The following DMXL1 variants were observed in gnomAD, a reference collection of about 807,000 sequenced individuals.
DMXL1 encodes Dmx like 1, also known as dmX-like protein 1.
In DMXL1, 99 loss-of-function variants were observed where a neutral mutation model predicts 319.2. The observed-to-expected ratio is 0.31, with a 90% confidence interval of 0.26 to 0.37. The LOEUF is 0.37. DMXL1 is among the 10% of genes least tolerant of loss of function. DMXL1 has a pLI of 1.00. For missense variants in DMXL1, 3,745 were observed against 3,595.6 expected (o/e 1.04, Z -1.06); for synonymous variants, 1,385 against 1,235.2 (o/e 1.12, Z -2.54).
At chr5:119,238,722 T>C (rs1184645234) in intron 40 of DMXL1, 1 of 164,468 alleles carries the variant, frequency 6.1e-6, no homozygotes, top group Admixed American at 6.5e-5. Context: ...AGGAAAAGTG[T>C]GTGTATGCGT....
chr5:119,225,667 T>C (rs3822516), intron 38 of DMXL1, among the ~76,000 whole-genome samples: 71,928 of 151,940 alleles, frequency 0.47, 18,958 homozygotes, highest in East Asian at 0.83. Context: ...AAATAATCTA[T>C]TATCAAAGTT....
chr5:119,109,805 T>A (rs747546267), intron 4 of DMXL1, among the ~76,000 whole-genome samples: 8 of 152,332 alleles, frequency 5.3e-5, no homozygotes, highest in Non-Finnish European at 1.0e-4. Context: ...CTATCATGTA[T>A]GTAACACTTC....
chr5:119,218,739 G>T (rs567159357), intron 35 of DMXL1, among the ~76,000 whole-genome samples: 1 of 152,178 alleles, frequency 6.6e-6, no homozygotes, highest in Non-Finnish European at 1.5e-5. Flanking sequence ...GATTACAGGC[G>T]TGAGCCACTG....
chr5:119,193,450 T>C (rs1381839476), intron 29 of DMXL1, among the ~76,000 whole-genome samples: 2 of 152,196 alleles, frequency 1.3e-5, no homozygotes, highest in African/African-American at 4.8e-5. Flanking sequence ...TCAGCTTATC[T>C]CAATTCTCCT....
chr5:119,247,110 A>C lies in DMXL1; in HGVS notation c.9038A>C (p.Asn3013Thr). Residue 3013 changes from asparagine (N) to threonine (T), a missense_variant, in exon 44 of 44, where the codon AAT (asparagine) becomes ACT (threonine). Asn to Thr is a moderately conservative substitution (Grantham distance 65). Transcript: ENST00000539542. ...GVMQIETGPA[N>T]HIFSCGADGT... ...ATGCAAATTGAGACAGGGCCTGCAA[A>C]TCACATTTTCTCCTGTGGAGCTGAT... 1 of 1,614,148 alleles carries C rather than the reference A, an allele frequency of 6.2e-7. No homozygotes were observed. Among genetic ancestry groups the C allele is most frequent in the East Asian group, 2.2e-5 (1 of 44,880 alleles).
rs1352600045 is a variant in DMXL1, at chr5:119,249,074, T to A, written c.*1855T>A. 6.6e-6 allele frequency: 1 copy of A among 152,606 alleles called. No homozygotes were observed. The highest frequency in any genetic ancestry group is 1.5e-5 in the Non-Finnish European group (1 of 67,968). 9.5% of individuals were successfully genotyped at this position (152,606 alleles called of 1,614,324 possible). On this transcript the variant is annotated 3_prime_UTR_variant, in exon 44 of 44. Transcript: ENST00000539542. ...TAATCATACATTATGTAAGCCCATA[T>A]GTATTTACATCCAGAGTCATAATAT...
chr5:119,170,112 G>A (rs1774254448), intron 23 of DMXL1, 78 bp from the exon 24 acceptor site: 1 of 1,428,972 alleles, frequency 7.0e-7, no homozygotes, highest in Non-Finnish European at 9.3e-7. Context: ...AGGTGTCATA[G>A]TAGATAGAGA....
chr5:119,193,729 A>C, intron 29 of DMXL1, 99 bp from the exon 30 acceptor site: 1 of 1,146,582 alleles, frequency 8.7e-7, no homozygotes, highest in Non-Finnish European at 1.3e-6. Flanking sequence ...CTTATAATGA[A>C]GTATCTGCAA....
intron 39 of DMXL1, chr5:119,236,764 A>G (rs1787832506): frequency 6.6e-6 from 1 of 151,940 alleles, no homozygotes; most frequent in African/African-American, 2.4e-5. Context: ...ATCAAAGGGA[A>G]AAAATTTAGC....
chr5:119,244,439 G>A lies in DMXL1; in HGVS notation c.8785G>A (p.Gly2929Ser). Residue 2929 changes from glycine to serine, a missense_variant, in exon 43 of 44, where the codon GGT (glycine) becomes AGT (serine). Physicochemically the swap from Gly to Ser is moderately conservative, Grantham distance 56. Around this residue, in one of 4 missense-constraint regions of DMXL1, gnomAD observed 262 missense variants for 320.5 expected, o/e 0.82. Transcript: ENST00000539542. ...HQLLISGGRKGFTYVFDLCQR... is the reference protein window; with the variant it reads ...HQLLISGGRKSFTYVFDLCQR... Reference sequence around the variant, plus strand: ...GCTACTAATATCAGGTGGCAGAAAAGGTTTTACATATGTATTTGACCTTTG... The same window carrying A: ...GCTACTAATATCAGGTGGCAGAAAAAGTTTTACATATGTATTTGACCTTTG... 1 of 1,614,098 alleles carries A rather than the reference G, an allele frequency of 6.2e-7. No individual in the cohort carries two copies. The highest frequency in any genetic ancestry group is 8.5e-7 in the Non-Finnish European group (1 of 1,180,010).
chr5:119,129,365 A>G lies in DMXL1; in HGVS notation c.1257A>G (p.Gln419=). 1 of 1,613,872 alleles carries G rather than the reference A, an allele frequency of 6.2e-7. No individual in the cohort carries two copies. Among genetic ancestry groups the G allele is most frequent in the African/African-American group, 1.3e-5 (1 of 75,034 alleles). ...FLQQLRKSFE[Q]PSSEASVEDS... Reference sequence around the variant, plus strand: ...AGCAACTTAGAAAAAGTTTTGAACAACCATCTTCTGAGGCCAGTGTAGAAG... The same window carrying G: ...AGCAACTTAGAAAAAGTTTTGAACAGCCATCTTCTGAGGCCAGTGTAGAAG... Residue 419 remains glutamine (Q), a synonymous_variant, in exon 10 of 44, where the codon CAA becomes CAG. Transcript: ENST00000539542.
chr5:119,217,035 G>A (rs1783819300), intron 35 of DMXL1, 48 bp downstream of exon 35: 1 of 1,082,730 alleles, frequency 9.2e-7, no homozygotes, highest in Middle Eastern at 2.1e-4. Flanking sequence ...TTTATAGTTG[G>A]ATAATATCTT....
In DMXL1 at chr5:119,244,356, C is replaced by T. The variant is rs750840008; in HGVS notation, c.8705-3C>T. 3 of 1,592,552 alleles carry T rather than the reference C, an allele frequency of 1.9e-6. No homozygotes were observed. Among genetic ancestry groups the T allele is most frequent in the African/African-American group, 2.7e-5 (2 of 73,590 alleles). On this transcript the variant is annotated splice_polypyrimidine_tract_variant and splice_region_variant and intron_variant, in intron 42 of 43. Coordinates refer to ENST00000539542, the MANE Select transcript of DMXL1 (RefSeq NM_001290321.3). ...TTTTGTTTTTTTTTTAATTTACTTTCAGCATTTACCTGCCATGACAGTGGA... is the reference window on the plus strand; with the variant it reads ...TTTTGTTTTTTTTTTAATTTACTTTTAGCATTTACCTGCCATGACAGTGGA...
At chr5:119,237,816 G>T (rs1011698324) in intron 40 of DMXL1, among the ~76,000 whole-genome samples, 1 of 151,976 alleles carries the variant, frequency 6.6e-6, no homozygotes, top group Admixed American at 6.6e-5. Context: ...CCTATAGCTG[G>T]TACTGTTATT....
At chr5:119,075,069 A>G (rs1043438572) in intron 1 of DMXL1, among the ~76,000 whole-genome samples, 2 of 152,162 alleles carry the variant, frequency 1.3e-5, no homozygotes, top group African/African-American at 4.8e-5. Flanking sequence ...TTAAGGTTAT[A>G]TTTATTGTAA....
At chr5:119,235,254 A>G (rs962384150) in intron 39 of DMXL1, among the ~76,000 whole-genome samples, 1 of 152,182 alleles carries the variant, frequency 6.6e-6, no homozygotes, top group Non-Finnish European at 1.5e-5. Flanking sequence ...TAAATAATAA[A>G]TAACCTATGA....
chr5:119,192,130 G>A (rs1778801211), intron 29 of DMXL1, among the ~76,000 whole-genome samples: 1 of 151,742 alleles, frequency 6.6e-6, no homozygotes, highest in Non-Finnish European at 1.5e-5. Context: ...ACTCTTAATT[G>A]ATGACCTCAC....
At chr5:119,135,201 C>T (rs1267500301) in intron 13 of DMXL1, among the ~76,000 whole-genome samples, 2 of 151,876 alleles carry the variant, frequency 1.3e-5, no homozygotes, top group Non-Finnish European at 2.9e-5. Flanking sequence ...ATTTATCAGG[C>T]ATTTTTAAGT....
intron 37 of DMXL1, 42 bp downstream of exon 37, chr5:119,221,123 T>C (rs1238547517): frequency 2.1e-6 from 3 of 1,441,796 alleles, no homozygotes; most frequent in Non-Finnish European, 1.9e-6. Context: ...ATGTAACTTT[T>C]ATTTTTCCCT....
Sources: gnomAD v4.1 joint callset for allele counts (sites outside exome capture counted in the v4.1 genomes callset) on GRCh38, gnomAD v4.1.1 for gene constraint, gnomAD v4.1.1 regional missense constraint, MANE v1.5 for transcripts, NCBI Gene and HGNC (gene_info 2026-07-23, HGNC 2026-07-21) for gene names.